FAM13A: variants seen among roughly 807,000 people sequenced by gnomAD.
FAM13A encodes protein FAM13A.
FAM13A carries 76 observed loss-of-function variants against 129.6 expected under a neutral mutation model. The ratio of observed to expected loss-of-function variants is 0.59; its 90% CI spans 0.49 to 0.71. FAM13A has a LOEUF of 0.71. Among genes scored for constraint, FAM13A ranks in the 30% least tolerant of loss-of-function variants. FAM13A has a pLI of 0.00. For synonymous variants in FAM13A, 443 were observed against 449.9 expected, an observed-to-expected ratio of 0.98 and a Z score of 0.20; for missense variants, 1,108 against 1,249.3, an observed-to-expected ratio of 0.89 and a Z score of 1.70.
At chr4:88,946,435 A>G (rs1755894508) in intron 4 of FAM13A, among the ~76,000 whole-genome samples, 1 of 135,508 alleles carries the variant, frequency 7.4e-6, no homozygotes, top group Non-Finnish European at 1.6e-5. Context: ...GTGACACCAA[A>G]AACTTCATTC....
chr4:88,998,175 T>G (rs1207305346), intron 3 of FAM13A, among the ~76,000 whole-genome samples: 2 of 152,180 alleles, frequency 1.3e-5, no homozygotes. Flanking sequence ...GAGGAACCAG[T>G]TGAGCCCACA....
intron 3 of FAM13A, among the ~76,000 whole-genome samples, chr4:89,015,840 ACAGACT>A (rs1253513497): frequency 1.3e-5 from 2 of 152,170 alleles, no homozygotes; most frequent in African/African-American, 4.8e-5. Context: ...TAACTGCAAC[ACAGACT>A]CAGATATACA....
chr4:88,888,875 G>T (rs536612260), intron 6 of FAM13A, among the ~76,000 whole-genome samples: 1 of 150,482 alleles, frequency 6.6e-6, no homozygotes, highest in Non-Finnish European at 1.5e-5. Context: ...GGCGGAGCTT[G>T]CAGTGAGCCG....
chr4:88,886,595 A>C (rs909119738), intron 6 of FAM13A, among the ~76,000 whole-genome samples: 1 of 147,428 alleles, frequency 6.8e-6, no homozygotes, highest in Non-Finnish European at 1.5e-5. Flanking sequence ...TCTTAAAAAG[A>C]AAAAAAAAAG....
rs1238490807 is a variant in FAM13A at position 88,922,740 on chromosome 4, C to CA, written c.759+15347dup. Among the ~76,000 whole-genome samples, 7 of 151,846 alleles carry CA rather than the reference C, an allele frequency of 4.6e-5. No homozygotes were observed. In the East Asian group the frequency reaches 1.2e-3, roughly 25 times the overall value. Reference sequence around the variant, plus strand: ...AGGAAATAGAGACACAAAAAACCTTCAAAAAATTAATGAATCCAGGAGCTG... The same window carrying CA: ...AGGAAATAGAGACACAAAAAACCTTCAAAAAAATTAATGAATCCAGGAGCTG... On this transcript the variant is annotated intron_variant, in intron 5 of 23. Coordinates refer to ENST00000264344, the MANE Select transcript of FAM13A (RefSeq NM_014883.4).
chr4:89,007,423 A>C (rs1171165896), intron 3 of FAM13A, among the ~76,000 whole-genome samples: 1 of 152,224 alleles, frequency 6.6e-6, no homozygotes, highest in Non-Finnish European at 1.5e-5. Context: ...ACCGAGCATT[A>C]AATTGTCATC....
At chr4:88,911,884 CA>C (rs1749139106) in intron 5 of FAM13A, among the ~76,000 whole-genome samples, 1 of 152,182 alleles carries the variant, frequency 6.6e-6, no homozygotes, top group South Asian at 2.1e-4. Context: ...TTAAAACAGC[CA>C]TCTTCACTCA....
chr4:88,798,302 T>A (rs1726659748), intron 8 of FAM13A, among the ~76,000 whole-genome samples: 1 of 152,202 alleles, frequency 6.6e-6, no homozygotes, highest in Admixed American at 6.5e-5. Context: ...CCTTTATCCC[T>A]TTCTCAAATG....
In FAM13A at chr4:88,842,196, G is replaced by A. The variant is rs1337343004; in HGVS notation, c.1007+8824C>T. ...ATGTGATTCTATTTATATAAAATGTGCAAGAGTTAGAGGGAATTTCATAGA... is the reference window on the plus strand; with the variant it reads ...ATGTGATTCTATTTATATAAAATGTACAAGAGTTAGAGGGAATTTCATAGA... On this transcript the variant is annotated intron_variant, in intron 7 of 23. Coordinates refer to ENST00000264344, the MANE Select transcript of FAM13A (RefSeq NM_014883.4). 3.9e-5 allele frequency among the ~76,000 whole-genome samples: 6 copies of A among 152,194 alleles called. No homozygotes were observed. The South Asian group carries it at 6.2e-4, about 16-fold the overall frequency.
chr4:88,810,239 T>C (rs904948365), intron 7 of FAM13A, among the ~76,000 whole-genome samples: 1 of 152,020 alleles, frequency 6.6e-6, no homozygotes, highest in African/African-American at 2.4e-5. Flanking sequence ...GATAGAAAAA[T>C]ATTTCTACCA....
At chr4:88,826,840 C>T (rs1048048585) in intron 7 of FAM13A, among the ~76,000 whole-genome samples, 11 of 152,286 alleles carry the variant, frequency 7.2e-5, no homozygotes, top group African/African-American at 2.6e-4. Flanking sequence ...TCTCCTTCCT[C>T]TGGAAGAAGC....
intron 4 of FAM13A, among the ~76,000 whole-genome samples, chr4:88,942,633 A>G (rs915435257): frequency 1.3e-5 from 2 of 149,224 alleles, no homozygotes; most frequent in South Asian, 4.2e-4. Context: ...CTTTTAAAGA[A>G]ATGTATTGTG....
chr4:88,960,455 C>T (rs1038254286), intron 4 of FAM13A, among the ~76,000 whole-genome samples: 3 of 152,028 alleles, frequency 2.0e-5, no homozygotes, highest in African/African-American at 7.2e-5. Context: ...GTTAGCCTGC[C>T]CAAATAATTG....
At chr4:88,970,485 G>A (rs1014444988) in intron 4 of FAM13A, among the ~76,000 whole-genome samples, 22 of 150,754 alleles carry the variant, frequency 1.5e-4, no homozygotes, top group Admixed American at 1.4e-3. Flanking sequence ...ATATATATCA[G>A]ATATATAGAT....
At chr4:88,950,735 T>C (rs1286400823) in intron 4 of FAM13A, among the ~76,000 whole-genome samples, 1 of 152,228 alleles carries the variant, frequency 6.6e-6, no homozygotes, top group Non-Finnish European at 1.5e-5. Flanking sequence ...AAGAGTGGTC[T>C]AACTTAAAAT....
chr4:88,931,659 G>A (rs1163403063), intron 5 of FAM13A, among the ~76,000 whole-genome samples: 2 of 152,138 alleles, frequency 1.3e-5, no homozygotes, highest in East Asian at 3.9e-4. Context: ...TCTATGATCT[G>A]TCATGCTATT....
At chr4:88,746,790 G>A in intron 19 of FAM13A, 142 bp downstream of exon 19, 2 of 618,236 alleles carry the variant, frequency 3.2e-6, no homozygotes, top group South Asian at 4.2e-5. Flanking sequence ...TAGTTATGGT[G>A]TAAATATATA....
intron 6 of FAM13A, among the ~76,000 whole-genome samples, chr4:88,901,606 A>G (rs1349812259): frequency 1.3e-5 from 2 of 152,190 alleles, no homozygotes; most frequent in Non-Finnish European, 2.9e-5. Flanking sequence ...GAAAGAAACA[A>G]TGTACCAGAA....
At chr4:89,010,195 T>C (rs750241730) in intron 3 of FAM13A, among the ~76,000 whole-genome samples, 1 of 152,226 alleles carries the variant, frequency 6.6e-6, no homozygotes, top group South Asian at 2.1e-4. Flanking sequence ...GTAACCCTGC[T>C]AAACTACTCT....
Sources: allele counts gnomAD v4.1 joint callset (sites outside exome capture counted in the v4.1 genomes callset), GRCh38; gene constraint gnomAD v4.1.1; transcripts MANE v1.5; gene names NCBI Gene and HGNC (gene_info 2026-07-23, HGNC 2026-07-21).